Variants in SCAI observed in about 807,000 individuals in gnomAD.
SCAI encodes the protein suppressor of cancer cell invasion, also known as protein SCAI.
Under a neutral mutation model 92.2 loss-of-function variants are expected in SCAI, and 24 were observed. The ratio of observed to expected loss-of-function variants is 0.26; its 90% CI spans 0.19 to 0.37. The LOEUF is 0.37. Among genes scored for constraint, SCAI ranks in the 10% least tolerant of loss-of-function variants. The pLI is 1.00. For synonymous variants in SCAI, 261 were observed against 258.6 expected (o/e 1.01, Z -0.09); for missense variants, 450 against 736.2 (o/e 0.61, Z 4.50).
At chr9:125,130,012 C>T (rs1416014157) in intron 2 of SCAI, among the ~76,000 whole-genome samples, 1 of 151,896 alleles carries the variant, frequency 6.6e-6, no homozygotes, top group Non-Finnish European at 1.5e-5. Context: ...GATTCTCCTG[C>T]CTCAGCCACC....
chr9:125,130,758 C>T (rs1276291275), intron 2 of SCAI, among the ~76,000 whole-genome samples: 2 of 151,492 alleles, frequency 1.3e-5, no homozygotes, highest in Non-Finnish European at 2.9e-5. Context: ...ACTGGGATTA[C>T]AGGTGTGACC....
At chr9:125,084,233 C>T (rs1834280886) in intron 2 of SCAI, among the ~76,000 whole-genome samples, 1 of 130,458 alleles carries the variant, frequency 7.7e-6, no homozygotes. Flanking sequence ...TGCAGTGGCG[C>T]TATCTCGGCT....
intron 14 of SCAI, among the ~76,000 whole-genome samples, chr9:124,990,337 A>C (rs1832093492): frequency 6.6e-6 from 1 of 151,896 alleles, no homozygotes; most frequent in Non-Finnish European, 1.5e-5. Context: ...AAAAACACAA[A>C]AATCAGCCAG....
intron 9 of SCAI, among the ~76,000 whole-genome samples, chr9:125,008,917 G>C (rs1047234209): frequency 2.0e-5 from 3 of 152,062 alleles, no homozygotes; most frequent in Admixed American, 6.5e-5. Context: ...AAACTGCAAA[G>C]AATCAAAGAA....
chr9:125,051,055 C>T (rs947322387), intron 3 of SCAI, among the ~76,000 whole-genome samples: 1 of 152,128 alleles, frequency 6.6e-6, no homozygotes, highest in African/African-American at 2.4e-5. Flanking sequence ...CAGAGTCTTG[C>T]TCTGTCACCC....
intron 14 of SCAI, among the ~76,000 whole-genome samples, chr9:124,984,290 A>AGACTGGGGAGG (rs1271681543): frequency 2.0e-5 from 3 of 152,096 alleles, no homozygotes; most frequent in African/African-American, 7.2e-5. Context: ...TGTTTTTGGA[A>AGACTGGGGAGG]GACTGGGGAG....
intron 17 of SCAI, among the ~76,000 whole-genome samples, chr9:124,970,808 T>C (rs1174558822): frequency 1.3e-5 from 2 of 152,126 alleles, no homozygotes; most frequent in Non-Finnish European, 2.9e-5. Context: ...GAAAATGTTC[T>C]ACTTTTATTT....
rs200076178 is a variant in SCAI, at chr9:124,971,709, C to T, written c.1535G>A (p.Arg512His). Reference protein sequence around the residue: ...KCQEYLRKINRDIAQLLTHSR... With the variant: ...KCQEYLRKINHDIAQLLTHSR... Reference sequence around the variant, plus strand: ...ATGAGTCAGTAGCTGGGCAATATCACGGTTGATTTTTCGAAGATATTCTTG... The same window carrying T: ...ATGAGTCAGTAGCTGGGCAATATCATGGTTGATTTTTCGAAGATATTCTTG... Residue 512 changes from arginine to histidine, a missense_variant, in exon 16 of 18, where the codon CGT becomes CAT. Physicochemically the swap from Arg to His is conservative, Grantham distance 29. This residue lies in a region of SCAI where 360 missense variants were observed against 601.8 expected (regional missense o/e 0.60). Coordinates refer to ENST00000336505, the MANE Select transcript of SCAI (RefSeq NM_001144877.3). 69 of 1,610,196 alleles carry T rather than the reference C, an allele frequency of 4.3e-5. No individual in the cohort carries two copies. Among genetic ancestry groups the T allele is most frequent in the Non-Finnish European group, 5.4e-5 (64 of 1,178,920 alleles).
chr9:125,063,903 A>G (rs1833827337), intron 2 of SCAI, among the ~76,000 whole-genome samples: 1 of 151,960 alleles, frequency 6.6e-6, no homozygotes. Flanking sequence ...ACAGACATGC[A>G]CCACCATGCC....
intron 2 of SCAI, among the ~76,000 whole-genome samples, chr9:125,076,842 G>A (rs1261229289): frequency 6.6e-6 from 1 of 152,082 alleles, no homozygotes; most frequent in Non-Finnish European, 1.5e-5. Flanking sequence ...TGGGACTACA[G>A]GCAAGTGCCA....
chr9:125,083,796 CAG>C lies in SCAI; in HGVS notation c.99-27791_99-27790del, dbSNP rs1483560332. Reference sequence around the variant, plus strand: ...GCAGTGAAAGAAATATCTGCTTTCACAGAGTGTACTTTCTACACTCTGTGAAA... The same window carrying C: ...GCAGTGAAAGAAATATCTGCTTTCACAGTGTACTTTCTACACTCTGTGAAA... On this transcript the variant is annotated intron_variant, in intron 2 of 17. Transcript: ENST00000336505. Among the ~76,000 whole-genome samples the C allele has an allele frequency of 9.2e-5, 14 of 152,156 alleles. No individual in the cohort carries two copies. In the East Asian group the frequency reaches 2.7e-3, roughly 29 times the overall value.
chr9:125,069,645 C>T (rs1418288454), intron 2 of SCAI, among the ~76,000 whole-genome samples: 1 of 110,402 alleles, frequency 9.1e-6, no homozygotes, highest in Non-Finnish European at 1.7e-5. Context: ...TTTTTTGAGA[C>T]GTCGTCTTGC....
intron 3 of SCAI, 61 bp from the exon 4 acceptor site, chr9:125,029,800 C>T (rs1322839971): frequency 2.0e-6 from 2 of 995,102 alleles, no homozygotes; most frequent in South Asian, 1.7e-5. Context: ...GAAATTATGT[C>T]TTGTGATGGT....
chr9:125,097,782 T>C (rs1468961789), intron 2 of SCAI, among the ~76,000 whole-genome samples: 1 of 151,662 alleles, frequency 6.6e-6, no homozygotes, highest in Non-Finnish European at 1.5e-5. Context: ...GCTTGAAATA[T>C]ATATTTCAAG....
intron 4 of SCAI, 116 bp from the exon 5 acceptor site, chr9:125,028,594 T>C: frequency 2.2e-6 from 1 of 460,370 alleles, no homozygotes; most frequent in Non-Finnish European, 3.8e-6. Flanking sequence ...AATGAATTTT[T>C]CATTAGATTT....
chr9:125,009,692 C>T (rs1832590384), intron 9 of SCAI, among the ~76,000 whole-genome samples: 1 of 151,614 alleles, frequency 6.6e-6, no homozygotes, highest in South Asian at 2.1e-4. Flanking sequence ...AGTTTGAGAC[C>T]AGCCTGGCCA....
At chr9:125,028,525 C>A in intron 4 of SCAI, 47 bp from the exon 5 acceptor site, 1 of 958,624 alleles carries the variant, frequency 1.0e-6, no homozygotes, top group South Asian at 1.8e-5. Context: ...CTATAAATTC[C>A]AAAACTAATC....
intron 2 of SCAI, among the ~76,000 whole-genome samples, chr9:125,072,609 T>C (rs957293756): frequency 1.3e-5 from 2 of 152,174 alleles, no homozygotes; most frequent in South Asian, 2.1e-4. Context: ...ATCCATAGCA[T>C]TGTATAGCCA....
chr9:125,118,268 T>C (rs541857182), intron 2 of SCAI, among the ~76,000 whole-genome samples: 15 of 152,168 alleles, frequency 9.9e-5, no homozygotes, highest in African/African-American at 3.4e-4. Flanking sequence ...AATCCCAACA[T>C]TTTGAGAGGC....
Sources: gnomAD v4.1 joint callset for allele counts (sites outside exome capture counted in the v4.1 genomes callset) on GRCh38, gnomAD v4.1.1 for gene constraint, gnomAD v4.1.1 regional missense constraint, MANE v1.5 for transcripts, NCBI Gene and HGNC (gene_info 2026-07-23, HGNC 2026-07-21) for gene names.